The following TFAP2E variants were observed in gnomAD, a reference collection of about 807,000 sequenced individuals.
TFAP2E encodes transcription factor AP-2 epsilon, also known as transcription factor AP-2-epsilon.
Under a neutral mutation model 37.9 loss-of-function variants are expected in TFAP2E, and 30 were observed. The observed-to-expected ratio is 0.79, with a 90% CI of 0.59 to 1.07. The LOEUF (loss-of-function observed/expected upper bound fraction) is 1.07, where lower values mean the gene tolerates loss of function less well. TFAP2E is among the 50% of genes least tolerant of loss of function. TFAP2E has a pLI of 0.00. For missense variants in TFAP2E, 567 were observed against 637.9 expected, an observed-to-expected ratio of 0.89 and a Z score of 1.20; for synonymous variants, 318 against 295.8, an observed-to-expected ratio of 1.08 and a Z score of -0.77.
intron 3 of TFAP2E, among the ~76,000 whole-genome samples, chr1:35,586,791 A>C (rs1400486293): frequency 6.6e-6 from 1 of 151,844 alleles, no homozygotes; most frequent in East Asian, 1.9e-4. Flanking sequence ...AGAGGGAGAG[A>C]CTAGACGTTC....
chr1:35,590,603 C>A lies in TFAP2E; in HGVS notation c.905-31C>A. The A allele has an allele frequency of 7.0e-7, 1 of 1,437,862 alleles. No homozygotes were observed. Among genetic ancestry groups the A allele is most frequent in the Non-Finnish European group, 9.2e-7 (1 of 1,083,012 alleles). The allele number at this position is 1,437,862 out of a possible 1,614,324, so 89.1% of individuals were successfully genotyped here. A position where few individuals can be genotyped will look rare whatever the true frequency, so the allele number is the denominator to read the frequency against. On this transcript the variant is annotated intron_variant, in intron 5 of 6. Coordinates refer to ENST00000373235, the MANE Select transcript of TFAP2E (RefSeq NM_178548.4). The surrounding 1 kb of genome is among the most constrained non-coding windows in gnomAD (Gnocchi z 6.2). ...CTGTGTTCCAGGCGCAGAGGTACAC[C>A]CTGCAGTAGTGACAGCTCCCCTCCC...
At position 35,594,446 on chromosome 1, in the gene TFAP2E, G is replaced by T; in HGVS notation, c.1099G>T (p.Gly367Cys). 6.2e-7 allele frequency: 1 copy of T among 1,614,142 alleles called. No homozygotes were observed. The highest frequency in any genetic ancestry group is 8.5e-7 in the Non-Finnish European group (1 of 1,180,032). ...DLMAQDRSPL[G>C]NSRPALILEP... ...GATGGCTCAGGACCGCTCACCGCTG[G>T]GCAACAGCCGCCCAGCACTCATCCT... The change falls in exon 7 of 7, where the codon GGC (glycine) becomes TGC (cysteine). Residue 367 changes from glycine (G) to cysteine (C), a missense_variant. Gly to Cys is a radical substitution (Grantham distance 159, BLOSUM62 -3). This residue lies in a region of TFAP2E where 252 missense variants were observed against 302.6 expected (regional missense o/e 0.83). Coordinates refer to ENST00000373235, the MANE Select transcript of TFAP2E (RefSeq NM_178548.4).
intron 3 of TFAP2E, among the ~76,000 whole-genome samples, chr1:35,580,449 CA>C (rs1255460758): frequency 1.3e-5 from 2 of 152,004 alleles, no homozygotes. Context: ...TCAGGACCCC[CA>C]GGGGGTGCTT....
chr1:35,590,723 C>T lies in TFAP2E; in HGVS notation c.994C>T (p.His332Tyr). 1.3e-6 allele frequency: 2 copies of T among 1,548,200 alleles called. No homozygotes were observed. The highest frequency in any genetic ancestry group is 1.8e-6 in the Non-Finnish European group (2 of 1,137,154). ...KAAAEYLCRQ[H>Y]ADPGELHSRK... ...AGCTGCCGAGTACCTGTGCCGACAG[C>T]ACGCTGACCCGGGGGAGCTGCACAG... The change falls in exon 6 of 7, where the codon CAC becomes TAC. Residue 332 changes from histidine (H) to tyrosine (Y), a missense_variant. Physicochemically the swap from His to Tyr is moderately conservative, Grantham distance 83. Around this residue, in one of 3 missense-constraint regions of TFAP2E, gnomAD observed 252 missense variants for 302.6 expected, o/e 0.83. Coordinates refer to ENST00000373235, the MANE Select transcript of TFAP2E (RefSeq NM_178548.4). The surrounding 1 kb of genome is among the most constrained non-coding windows in gnomAD (Gnocchi z 6.2).
In TFAP2E at chr1:35,574,370, T is replaced by TCCGGGGCTGGCGGCGGCC. The variant is rs1275363858; in HGVS notation, c.474_491dup (p.Ala161_Leu166dup). On this transcript the variant is annotated inframe_insertion, in exon 2 of 7. Transcript: ENST00000373235. ...GCCTGGCAGACGCACCTCTCGGCCT[T>TCCGGGGCTGGCGGCGGCC]CCGGGGCTGGCGGCGGCCCCCGGTC... The TCCGGGGCTGGCGGCGGCC allele has an allele frequency of 5.5e-6, 8 of 1,443,512 alleles. No homozygotes were observed. The highest frequency in any genetic ancestry group is 2.0e-4 in the Middle Eastern group (1 of 5,006). 89.4% of individuals were successfully genotyped at this position (1,443,512 alleles called of 1,614,324 possible).
At chr1:35,580,753 C>T (rs148722310) in intron 3 of TFAP2E, among the ~76,000 whole-genome samples, 5,747 of 151,416 alleles carry the variant, frequency 0.038, 154 homozygotes, top group Middle Eastern at 0.072. Flanking sequence ...CCAGCCTGGG[C>T]GACAGAGCGA....
downstream of TFAP2E, among the ~76,000 whole-genome samples, chr1:35,595,537 G>A (rs1009532573): frequency 6.6e-6 from 1 of 152,160 alleles, no homozygotes; most frequent in African/African-American, 2.4e-5. Flanking sequence ...CCCTGCAGTT[G>A]ATGTACCTCC....
In TFAP2E at chr1:35,577,947, G is replaced by A. The variant is rs943776887; in HGVS notation, c.562+2947G>A. Among the ~76,000 whole-genome samples the A allele has an allele frequency of 3.3e-5, 5 of 152,142 alleles. No homozygotes were observed. The highest frequency in any genetic ancestry group is 1.2e-4 in the African/African-American group (5 of 41,440). On this transcript the variant is annotated intron_variant, in intron 3 of 6. Transcript: ENST00000373235. The surrounding 1 kb of genome is among the most constrained non-coding windows in gnomAD (Gnocchi z 6.3). ...ACCTCCAGTTTTGCAACCTATCCCA[G>A]ACACACAGAAAGCAAGCAGGACTGG...
chr1:35,592,126 T>C (rs1331202963), intron 6 of TFAP2E, among the ~76,000 whole-genome samples: 5 of 151,954 alleles, frequency 3.3e-5, no homozygotes. Context: ...CGGTCTCTAG[T>C]AAAAATACAA....
chr1:35,584,087 T>C (rs1206234777), intron 3 of TFAP2E, among the ~76,000 whole-genome samples: 1 of 152,184 alleles, frequency 6.6e-6, no homozygotes, highest in Non-Finnish European at 1.5e-5. Flanking sequence ...GGCATACAGT[T>C]CTTGTATACA....
At position 35,574,370 on chromosome 1, in the gene TFAP2E, T is replaced by G; in HGVS notation, c.471T>G (p.Leu157=). 3 of 1,443,624 alleles carry G rather than the reference T, an allele frequency of 2.1e-6. No individual in the cohort carries two copies. The highest frequency in any genetic ancestry group is 2.7e-6 in the Non-Finnish European group (3 of 1,111,246). 89.4% of individuals were successfully genotyped at this position (1,443,624 alleles called of 1,614,324 possible). A position where few individuals can be genotyped will look rare whatever the true frequency, so the allele number is the denominator to read the frequency against. ...AHGLADAPLG[L]PGLAAAPGLE... is the part of the protein sequence containing the mutation. ...GCCTGGCAGACGCACCTCTCGGCCT[T>G]CCGGGGCTGGCGGCGGCCCCCGGTC... Residue 157 remains leucine (L), a synonymous_variant, in exon 2 of 7, where the codon CTT becomes CTG. Transcript: ENST00000373235.
intron 3 of TFAP2E, among the ~76,000 whole-genome samples, chr1:35,586,874 A>T (rs368169884): frequency 1.2e-4 from 19 of 152,328 alleles, no homozygotes; most frequent in African/African-American, 4.6e-4. Context: ...TTGGCATGAA[A>T]GTGCTCAGCC....
chr1:35,585,374 C>T (rs1410968789), intron 3 of TFAP2E, among the ~76,000 whole-genome samples: 1 of 152,142 alleles, frequency 6.6e-6, no homozygotes, highest in African/African-American at 2.4e-5. Context: ...TCTTGCTTGG[C>T]GGGACTTTGC....
intron 3 of TFAP2E, among the ~76,000 whole-genome samples, chr1:35,583,465 A>C (rs188561807): frequency 4.7e-4 from 72 of 152,204 alleles, no homozygotes; most frequent in African/African-American, 1.7e-3. Flanking sequence ...TTCTAGAAAA[A>C]ACTTGCAACT....
intron 6 of TFAP2E, among the ~76,000 whole-genome samples, chr1:35,592,317 C>G (rs1227987438): frequency 2.0e-5 from 3 of 150,896 alleles, no homozygotes; most frequent in Non-Finnish European, 4.4e-5. Context: ...TTTAGTTCTT[C>G]CAAAAGAGTT....
Position 35,588,691 on chromosome 1 carries a change from G to A in TFAP2E, c.785+139G>A. 1.1e-6 allele frequency: 1 copy of A among 915,384 alleles called. No individual in the cohort carries two copies. The highest frequency in any genetic ancestry group is 2.7e-5 in the East Asian group (1 of 37,108). 56.7% of individuals were successfully genotyped at this position (915,384 alleles called of 1,614,324 possible). A position where few individuals can be genotyped will look rare whatever the true frequency, so the allele number is the denominator to read the frequency against. On this transcript the variant is annotated intron_variant, in intron 4 of 6. Transcript: ENST00000373235. This position sits in a 1 kb window ranked among gnomAD's most constrained non-coding sequence, Gnocchi z 5.1. Reference sequence around the variant, plus strand: ...TGGGAGGGGAGGCCCCGGGGACTCTGGATTGTGCATGTTGTGGGGGCCGGC... The same window carrying A: ...TGGGAGGGGAGGCCCCGGGGACTCTAGATTGTGCATGTTGTGGGGGCCGGC...
At chr1:35,586,812 C>T (rs1294681388) in intron 3 of TFAP2E, among the ~76,000 whole-genome samples, 1 of 152,074 alleles carries the variant, frequency 6.6e-6, no homozygotes, top group African/African-American at 2.4e-5. Flanking sequence ...TGCCAGGCTA[C>T]GGATCAGGCT....
Position 35,577,642 on chromosome 1 carries a change from A to G in TFAP2E, c.562+2642A>G, listed in dbSNP as rs1466818270. 1 of 316,232 alleles carries G rather than the reference A, an allele frequency of 3.2e-6. No individual in the cohort carries two copies. The allele number at this position is 316,232 out of a possible 1,614,324, so 19.6% of individuals were successfully genotyped here. On this transcript the variant is annotated intron_variant, in intron 3 of 6. Transcript: ENST00000373235. This position sits in a 1 kb window ranked among gnomAD's most constrained non-coding sequence, Gnocchi z 6.3. ...GCTGCAGCCTCAGCCCCACCCCAGAAGCGGCCTTCGCATCGCTGCGGTGGG... is the reference window on the plus strand; with the variant it reads ...GCTGCAGCCTCAGCCCCACCCCAGAGGCGGCCTTCGCATCGCTGCGGTGGG...
chr1:35,580,636 G>A (rs949919504), intron 3 of TFAP2E, among the ~76,000 whole-genome samples: 8 of 151,730 alleles, frequency 5.3e-5, no homozygotes, highest in East Asian at 1.9e-4. Flanking sequence ...TTAGCTGGGC[G>A]TGGTGGCGGG....
Sources: allele counts gnomAD v4.1 joint callset (sites outside exome capture counted in the v4.1 genomes callset), GRCh38; gene constraint gnomAD v4.1.1; regional missense constraint gnomAD v4.1.1; non-coding constraint Gnocchi (gnomAD v3.1); transcripts MANE v1.5; gene names NCBI Gene and HGNC (gene_info 2026-07-23, HGNC 2026-07-21).